The following C5orf34 variants were observed in gnomAD, a reference collection of about 807,000 sequenced individuals.
The protein encoded by C5orf34 is chromosome 5 open reading frame 34.
Under a neutral mutation model 78.4 loss-of-function variants are expected in C5orf34, and 73 were observed. The observed-to-expected ratio is 0.93, with a 90% confidence interval of 0.77 to 1.13. The LOEUF (loss-of-function observed/expected upper bound fraction) is 1.13, where lower values mean the gene tolerates loss of function less well. Among genes scored for constraint, C5orf34 ranks in the 50% most tolerant of loss-of-function variants. The pLI, the probability that C5orf34 is intolerant of heterozygous loss-of-function variation, is 0.00. For synonymous variants in C5orf34, 251 were observed against 246.6 expected (o/e 1.02, Z -0.17); for missense variants, 730 against 732.7 (o/e 1.00, Z 0.04).
chr5:43,507,199 A>G (rs974950176), intron 3 of C5orf34, among the ~76,000 whole-genome samples: 1 of 152,216 alleles, frequency 6.6e-6, no homozygotes, highest in Non-Finnish European at 1.5e-5. Flanking sequence ...AACAAGTAAC[A>G]GTGTTGATTG....
intron 10 of C5orf34, among the ~76,000 whole-genome samples, chr5:43,491,825 G>A (rs1745293549): frequency 6.6e-6 from 1 of 151,856 alleles, no homozygotes; most frequent in Admixed American, 6.6e-5. Flanking sequence ...CCAACATGGA[G>A]AAACCCCATC....
chr5:43,497,375 C>T lies in C5orf34; in HGVS notation c.1153-2774G>A, dbSNP rs572079873. Among the ~76,000 whole-genome samples, 9 of 152,282 alleles carry T rather than the reference C, an allele frequency of 5.9e-5. No homozygotes were observed. In the East Asian group the frequency reaches 1.7e-3, roughly 29 times the overall value. ...CTTTACATGGATTATCTCATTTATT[C>T]CTCAAAATAATTCTGAGATAACTAT... On this transcript the variant is annotated intron_variant, in intron 6 of 12. Transcript: ENST00000306862.
In C5orf34 at chr5:43,509,231, CA is replaced by C. The variant is rs1746116996; in HGVS notation, c.108del (p.Phe36LeufsTer12). 1 of 1,613,944 alleles carries C rather than the reference CA, an allele frequency of 6.2e-7. No homozygotes were observed. The highest frequency in any genetic ancestry group is 1.3e-5 in the African/African-American group (1 of 74,930). Reference sequence around the variant, plus strand: ...TGTGCTGAAACAGGTGGTGACTTTTCAAATAAAAATTCAGAGCCACAGGGAG... The same window carrying C: ...TGTGCTGAAACAGGTGGTGACTTTTCAATAAAAATTCAGAGCCACAGGGAG... ...QLSPCGSEFL[F>X]EKSPPVSAHP... is the part of the protein sequence containing the mutation. On this transcript the variant is annotated frameshift_variant, in exon 2 of 13. Transcript: ENST00000306862. LOFTEE classifies it high-confidence loss of function.
chr5:43,501,088 G>C (rs1745739458), intron 6 of C5orf34, among the ~76,000 whole-genome samples: 2 of 152,132 alleles, frequency 1.3e-5, no homozygotes, highest in Non-Finnish European at 2.9e-5. Flanking sequence ...TGATATATTT[G>C]CTTTAGTATA....
intron 1 of C5orf34, among the ~76,000 whole-genome samples, chr5:43,512,046 A>G (rs1000493726): frequency 1.5e-5 from 2 of 135,366 alleles, no homozygotes; most frequent in African/African-American, 2.7e-5. Context: ...AAAAAAAAAA[A>G]GAGTTGGGTT....
chr5:43,495,662 C>T (rs569238043), intron 6 of C5orf34: 66 of 1,582,142 alleles, frequency 4.2e-5, no homozygotes, highest in South Asian at 2.1e-4. Context: ...AGTCTCCACT[C>T]GGCCAACAGG....
chr5:43,512,616 TTTC>T (rs1746317436), intron 1 of C5orf34, among the ~76,000 whole-genome samples: 1 of 152,174 alleles, frequency 6.6e-6, no homozygotes, highest in Admixed American at 6.5e-5. Context: ...CTGCCACAGT[TTTC>T]TTCTTCACTT....
intron 5 of C5orf34, 78 bp from the exon 6 acceptor site, chr5:43,502,573 AG>A (rs1438254661): frequency 2.4e-6 from 2 of 826,766 alleles, no homozygotes; most frequent in Non-Finnish European, 3.9e-6. Context: ...ATCAAAAAAC[AG>A]TAACAACAAA....
At chr5:43,497,199 C>T (rs1202530546) in intron 6 of C5orf34, among the ~76,000 whole-genome samples, 1 of 152,036 alleles carries the variant, frequency 6.6e-6, no homozygotes, top group Non-Finnish European at 1.5e-5. Context: ...TAGTGTTTCC[C>T]AGCACTCTGT....
intron 6 of C5orf34, 140 bp downstream of exon 6, chr5:43,502,232 A>T (rs1238708116): frequency 1.3e-6 from 1 of 794,380 alleles, no homozygotes; most frequent in African/African-American, 1.8e-5. Flanking sequence ...CAATGCTGGC[A>T]GTAAGATTAT....
chr5:43,512,949 A>AT (rs1444169617), intron 1 of C5orf34, among the ~76,000 whole-genome samples: 4 of 151,546 alleles, frequency 2.6e-5, no homozygotes. Context: ...CGCCTGGCTC[A>AT]TTTTTTGTAT....
chr5:43,515,105 T>G lies in C5orf34; in HGVS notation c.-336A>C, dbSNP rs900707910. ...GAAAGCGCAAACCGCACAAGACCAG[T>G]TCAAAACCAGCGCCCTCAGGGAGCC... On this transcript the variant is annotated 5_prime_UTR_variant, in exon 1 of 13. Coordinates refer to ENST00000306862, the MANE Select transcript of C5orf34 (RefSeq NM_198566.4). 5 of 152,116 alleles carry G rather than the reference T, an allele frequency of 3.3e-5. No individual in the cohort carries two copies. The highest frequency in any genetic ancestry group is 1.3e-4 in the Admixed American group (2 of 15,270). 9.4% of individuals were successfully genotyped at this position (152,116 alleles called of 1,614,324 possible). A position where few individuals can be genotyped will look rare whatever the true frequency, so the allele number is the denominator to read the frequency against.
Position 43,492,722 on chromosome 5 carries a change from GT to G in C5orf34, c.1482del (p.Arg494SerfsTer3). On this transcript the variant is annotated frameshift_variant, in exon 9 of 13. Transcript: ENST00000306862. LOFTEE classifies it high-confidence loss of function. ...ATCTAAGTCTGAAGTATACCCACCT[GT>G]CTCTTCTCAATAGGAGAGCTGAAAT... ...NWNFSSPIEK[R>X]QVNQGLNLGW... 1 of 1,610,406 alleles carries G rather than the reference GT, an allele frequency of 6.2e-7. No homozygotes were observed. Among genetic ancestry groups the G allele is most frequent in the Non-Finnish European group, 8.5e-7 (1 of 1,177,976 alleles).
In C5orf34 at chr5:43,496,024, C is replaced by A. The variant is rs548324570; in HGVS notation, c.1153-1423G>T. On this transcript the variant is annotated intron_variant, in intron 6 of 12. Transcript: ENST00000306862. The stretch of plus-strand genomic sequence containing the variant: ...TGTTAACACCAACAATTAGTTGTTT[C>A]ACACCCAGTGTGTAAGCCAGAAGGG... 64 of 1,591,810 alleles carry A rather than the reference C, an allele frequency of 4.0e-5. No homozygotes were observed. The African/African-American group carries it at 8.5e-4, about 21-fold the overall frequency.
At position 43,492,849 on chromosome 5, in the gene C5orf34, C is replaced by A. The variant is rs374353571; in HGVS notation, c.1356G>T (p.Leu452Phe). ...INDSNILPLVLKESLIPSVGR... is the reference protein window; with the variant it reads ...INDSNILPLVFKESLIPSVGR... ...CCACACTGGGTATGAGTGACTCTTT[C>A]AAAACCAAAGGCAGTATATTGCTAT... The change falls in exon 9 of 13, where the codon TTG becomes TTT. Residue 452 changes from leucine to phenylalanine, a missense_variant. Physicochemically the swap from Leu to Phe is conservative, Grantham distance 22 (BLOSUM62 0). Coordinates refer to ENST00000306862, the MANE Select transcript of C5orf34 (RefSeq NM_198566.4). 8.7e-6 allele frequency: 14 copies of A among 1,610,594 alleles called. No homozygotes were observed. Among genetic ancestry groups the A allele is most frequent in the African/African-American group, 6.7e-5 (5 of 74,796 alleles).
At position 43,495,022 on chromosome 5, in the gene C5orf34, C is replaced by T. The variant is rs1166906405; in HGVS notation, c.1153-421G>A. 3 of 1,367,634 alleles carry T rather than the reference C, an allele frequency of 2.2e-6. No individual in the cohort carries two copies. The African/African-American group carries it at 4.3e-5, about 20-fold the overall frequency. The allele number at this position is 1,367,634 out of a possible 1,614,324, so 84.7% of individuals were successfully genotyped here. A position where few individuals can be genotyped will look rare whatever the true frequency, so the allele number is the denominator to read the frequency against. On this transcript the variant is annotated intron_variant, in intron 6 of 12. Coordinates refer to ENST00000306862, the MANE Select transcript of C5orf34 (RefSeq NM_198566.4). ...CAATTGAAACAAACAGTTCTGAGAC[C>T]ATTCTTCCACCACTGATTAAGAGTT...
chr5:43,510,631 C>A (rs541652317), intron 1 of C5orf34, among the ~76,000 whole-genome samples: 257 of 152,312 alleles, frequency 1.7e-3, no homozygotes, highest in African/African-American at 5.9e-3. Flanking sequence ...TTGGTGGAGA[C>A]GGGGTTTCGC....
At position 43,505,810 on chromosome 5, in the gene C5orf34, T is replaced by A. The variant is rs1316355825; in HGVS notation, c.870A>T (p.Gly290=). Residue 290 remains glycine (G), a synonymous_variant, in exon 4 of 13, where the codon GGA becomes GGT. Coordinates refer to ENST00000306862, the MANE Select transcript of C5orf34 (RefSeq NM_198566.4). The part of the protein sequence containing the change: ...FLTSDISEER[G]KVVSVLPRAL... The stretch of plus-strand genomic sequence containing the variant: ...CCCTGGGAAGAACAGAAACCACTTT[T>A]CCTCTTTCCTCTGAAATATCAGAAG... The A allele has an allele frequency of 1.2e-6, 2 of 1,611,296 alleles. No individual in the cohort carries two copies. The highest frequency in any genetic ancestry group is 4.5e-5 in the East Asian group (2 of 44,842).
At chr5:43,509,000 G>A (rs1351257237) in intron 2 of C5orf34, 145 bp downstream of exon 2, 1 of 647,926 alleles carries the variant, frequency 1.5e-6, no homozygotes, top group Non-Finnish European at 2.6e-6. Flanking sequence ...CTTGTAAAAG[G>A]AGGCTGAGGC....
Sources: allele counts gnomAD v4.1 joint callset (sites outside exome capture counted in the v4.1 genomes callset), GRCh38; gene constraint gnomAD v4.1.1; transcripts MANE v1.5; gene names NCBI Gene and HGNC (gene_info 2026-07-23, HGNC 2026-07-21).